SAMD3: variants seen among roughly 807,000 people sequenced by gnomAD.
SAMD3 encodes sterile alpha motif domain-containing protein 3.
Under a neutral mutation model 58.5 loss-of-function variants are expected in SAMD3, and 63 were observed. The ratio of observed to expected loss-of-function variants is 1.08; its 90% CI spans 0.88 to 1.33. The LOEUF is 1.33. SAMD3 is among the 40% of genes most tolerant of loss of function. SAMD3 has a pLI of 0.00. For missense variants in SAMD3, 604 were observed against 608.4 expected, an observed-to-expected ratio of 0.99 and a Z score of 0.08; for synonymous variants, 220 against 210.3, an observed-to-expected ratio of 1.05 and a Z score of -0.40.
chr6:130,333,038 A>AGTGTGTGT (rs1167721658), intron 1 of SAMD3, among the ~76,000 whole-genome samples: 1 of 123,118 alleles, frequency 8.1e-6, no homozygotes, highest in African/African-American at 3.3e-5. Context: ...GCCACAGTTG[A>AGTGTGTGT]GTATGCGTGT....
chr6:130,195,120 A>G (rs1349569278), intron 5 of SAMD3, among the ~76,000 whole-genome samples: 1 of 151,988 alleles, frequency 6.6e-6, no homozygotes, highest in African/African-American at 2.4e-5. Flanking sequence ...CTTTAACTAA[A>G]TTATCTGCTT....
At chr6:130,271,367 T>G (rs1774557832) in intron 2 of SAMD3, among the ~76,000 whole-genome samples, 1 of 152,204 alleles carries the variant, frequency 6.6e-6, no homozygotes, top group African/African-American at 2.4e-5. Flanking sequence ...TATCAAGCTA[T>G]TTGATGCTTA....
intron 11 of SAMD3, 33 bp from the exon 12 acceptor site, chr6:130,144,837 C>T (rs747157559): frequency 2.1e-5 from 32 of 1,556,358 alleles, no homozygotes; most frequent in South Asian, 4.7e-5. Context: ...TACCATGATA[C>T]GTAAAATAGC....
intron 9 of SAMD3, among the ~76,000 whole-genome samples, chr6:130,147,562 C>G (rs1429729989): frequency 6.6e-6 from 1 of 152,172 alleles, no homozygotes; most frequent in African/African-American, 2.4e-5. Context: ...TACAAGTGCC[C>G]TCTGTGCAGC....
At chr6:130,199,976 C>G (rs11154531) in intron 5 of SAMD3, among the ~76,000 whole-genome samples, 38,820 of 152,048 alleles carry the variant, frequency 0.26, 5,419 homozygotes, top group East Asian at 0.44. Context: ...AGAGATGTGA[C>G]CAGCATCAGG....
Position 130,214,497 on chromosome 6 carries a change from C to A in SAMD3, c.109G>T (p.Ala37Ser). The A allele has an allele frequency of 6.2e-7, 1 of 1,605,930 alleles. No individual in the cohort carries two copies. Among genetic ancestry groups the A allele is most frequent in the South Asian group, 1.1e-5 (1 of 89,400 alleles). ...TGCTGAACCATCCGATCATTAAGTGCAAGAAGAGCGGCCCCACTTACTTCT... is the reference window on the plus strand; with the variant it reads ...TGCTGAACCATCCGATCATTAAGTGAAAGAAGAGCGGCCCCACTTACTTCT... ...EEEVSGAALL[A>S]LNDRMVQQLV... The change falls in exon 4 of 12, where the codon GCA becomes TCA. Residue 37 changes from alanine to serine, a missense_variant. Coordinates refer to ENST00000439090, the MANE Select transcript of SAMD3 (RefSeq NM_001017373.4).
rs1796530367 is a variant in SAMD3, at chr6:130,231,030, C to G, written c.-187-8217G>C. ...GACTTAAATAAGAAAATAAAGATTTCAAAGACCTTAAAAATTGTGTGCATG... is the reference window on the plus strand; with the variant it reads ...GACTTAAATAAGAAAATAAAGATTTGAAAGACCTTAAAAATTGTGTGCATG... On this transcript the variant is annotated intron_variant, in intron 2 of 13. Transcript: ENST00000368134. Among the ~76,000 whole-genome samples the G allele has an allele frequency of 2.6e-5, 4 of 151,836 alleles. No individual in the cohort carries two copies. In the South Asian group the frequency reaches 8.3e-4, roughly 32 times the overall value.
At chr6:130,151,598 C>T (rs774608132) in intron 9 of SAMD3, among the ~76,000 whole-genome samples, 6 of 152,036 alleles carry the variant, frequency 3.9e-5, no homozygotes, top group African/African-American at 9.7e-5. Context: ...TGTGCCACCA[C>T]GCCCGGCTAA....
intron 6 of SAMD3, 44 bp downstream of exon 6, chr6:130,184,394 C>A: frequency 1.3e-6 from 2 of 1,579,370 alleles, no homozygotes; most frequent in South Asian, 1.1e-5. Flanking sequence ...TATTCTGAAA[C>A]AGACCCTTTC....
intron 1 of SAMD3, among the ~76,000 whole-genome samples, chr6:130,347,169 G>A (rs1777482504): frequency 6.6e-6 from 1 of 152,188 alleles, no homozygotes; most frequent in Non-Finnish European, 1.5e-5. Context: ...AAAAAGCAGA[G>A]TGCCTCTCCT....
intron 4 of SAMD3, among the ~76,000 whole-genome samples, chr6:130,210,310 A>G (rs537936126): frequency 4.6e-4 from 70 of 152,320 alleles, no homozygotes; most frequent in African/African-American, 1.5e-3. Context: ...TCAAAATAAC[A>G]TGCCAGGCCA....
intron 5 of SAMD3, among the ~76,000 whole-genome samples, chr6:130,196,544 C>T (rs1180866046): frequency 6.6e-6 from 1 of 152,186 alleles, no homozygotes; most frequent in Non-Finnish European, 1.5e-5. Flanking sequence ...CGCCACACAC[C>T]AGCAAAGGCA....
At chr6:130,219,680 T>C (rs1358173859) in intron 1 of SAMD3, among the ~76,000 whole-genome samples, 1 of 152,232 alleles carries the variant, frequency 6.6e-6, no homozygotes, top group Non-Finnish European at 1.5e-5. Context: ...CTTTTTATGG[T>C]TGAGTAGTAT....
chr6:130,190,741 C>T (rs944773983), intron 5 of SAMD3, among the ~76,000 whole-genome samples: 3 of 151,876 alleles, frequency 2.0e-5, no homozygotes, highest in Admixed American at 1.3e-4. Context: ...CCTATATAGC[C>T]ATAAACCCTT....
chr6:130,365,428 G>T (rs1450719558), upstream of SAMD3: 4 of 985,348 alleles, frequency 4.1e-6, no homozygotes, highest in Non-Finnish European at 4.8e-6. Flanking sequence ...CGTCTTTTCC[G>T]GCCAGGTTTG....
At chr6:130,287,666 C>G (rs981192282) in intron 2 of SAMD3, among the ~76,000 whole-genome samples, 4 of 152,002 alleles carry the variant, frequency 2.6e-5, no homozygotes, top group Non-Finnish European at 1.5e-5. Flanking sequence ...ACAGGTGTGG[C>G]CGGGCGCAGT....
At chr6:130,188,638 AC>A (rs369536923) in intron 5 of SAMD3, among the ~76,000 whole-genome samples, 5 of 152,184 alleles carry the variant, frequency 3.3e-5, no homozygotes, top group African/African-American at 1.2e-4. Context: ...CAATCACCTC[AC>A]CGGGACTGCT....
intron 2 of SAMD3, among the ~76,000 whole-genome samples, chr6:130,294,023 T>C (rs1775472901): frequency 1.3e-5 from 2 of 152,122 alleles, no homozygotes; most frequent in Admixed American, 1.3e-4. Context: ...TTGATTTAAG[T>C]GATTGCCTCT....
chr6:130,209,658 T>G, intron 4 of SAMD3, 50 bp from the exon 5 acceptor site: 2 of 1,197,928 alleles, frequency 1.7e-6, no homozygotes, highest in Non-Finnish European at 2.5e-6. Flanking sequence ...GATATGACCA[T>G]TGATCTCACA....
Sources: allele counts gnomAD v4.1 joint callset (sites outside exome capture counted in the v4.1 genomes callset), GRCh38; gene constraint gnomAD v4.1.1; transcripts MANE v1.5; gene names NCBI Gene and HGNC (gene_info 2026-07-23, HGNC 2026-07-21).